DOCK1: variants seen among roughly 807,000 people sequenced by gnomAD.
DOCK1 encodes the protein dedicator of cytokinesis protein 1.
Under a neutral mutation model 262.7 loss-of-function variants are expected in DOCK1, and 138 were observed. The ratio of observed to expected loss-of-function variants is 0.53; its 90% CI spans 0.46 to 0.61. DOCK1 has a LOEUF of 0.61. Among genes scored for constraint, DOCK1 ranks in the 20% least tolerant of loss-of-function variants. DOCK1 has a pLI of 0.00. For synonymous variants in DOCK1, 866 were observed against 867.4 expected (o/e 1.00, Z 0.03); for missense variants, 1,908 against 2,370.7 (o/e 0.80, Z 4.05).
intron 31 of DOCK1, 50 bp downstream of exon 31, chr10:127,343,796 A>G (rs1330907728): frequency 5.7e-6 from 8 of 1,399,810 alleles, no homozygotes; most frequent in Non-Finnish European, 7.9e-6. Flanking sequence ...TCCAACTCTA[A>G]TCGCATAATT....
intron 45 of DOCK1, among the ~76,000 whole-genome samples, chr10:127,418,753 C>T (rs2068315082): frequency 6.6e-6 from 1 of 152,228 alleles, no homozygotes; most frequent in South Asian, 2.1e-4. Flanking sequence ...CCCTGGGCAT[C>T]CCCAGACAGC....
At position 126,995,523 on chromosome 10, in the gene DOCK1, C is replaced by G. The variant is rs1179413774; in HGVS notation, c.474-1225C>G. 6.6e-6 allele frequency among the ~76,000 whole-genome samples: 1 copy of G among 152,178 alleles called. No individual in the cohort carries two copies. The highest frequency in any genetic ancestry group is 1.5e-5 in the Non-Finnish European group (1 of 68,034). On this transcript the variant is annotated intron_variant, in intron 6 of 51. Transcript: ENST00000623213. This position sits in a 1 kb window ranked among gnomAD's most constrained non-coding sequence, Gnocchi z 5.8. Reference sequence around the variant, plus strand: ...GGTGTGGCGGCGCGCGCCTGCAATCCCAGGCACTCCGCAGGCTGAGGCAGG... The same window carrying G: ...GGTGTGGCGGCGCGCGCCTGCAATCGCAGGCACTCCGCAGGCTGAGGCAGG...
chr10:127,356,328 A>G (rs558608010), intron 32 of DOCK1, among the ~76,000 whole-genome samples: 2 of 152,302 alleles, frequency 1.3e-5, no homozygotes, highest in Admixed American at 1.3e-4. Context: ...CCTGATTCAC[A>G]TGGCTCAGTC....
chr10:127,223,860 G>A (rs2058533431), intron 27 of DOCK1, among the ~76,000 whole-genome samples: 1 of 152,148 alleles, frequency 6.6e-6, no homozygotes, highest in African/African-American at 2.4e-5. Context: ...GGAAATCTTA[G>A]GTGACAGTGA....
At position 127,176,321 on chromosome 10, in the gene DOCK1, G is replaced by A. The variant is rs79489715; in HGVS notation, c.2847+48557G>A. On this transcript the variant is annotated intron_variant, in intron 27 of 51. Coordinates refer to ENST00000623213, the MANE Select transcript of DOCK1 (RefSeq NM_001290223.2). The surrounding 1 kb of genome is among the most constrained non-coding windows in gnomAD (Gnocchi z 4.4). Reference sequence around the variant, plus strand: ...GGTCCAGGGCGTATTTCATCTCCAGGGCCAGGCAGGCGGCGGGTTCCACTT... The same window carrying A: ...GGTCCAGGGCGTATTTCATCTCCAGAGCCAGGCAGGCGGCGGGTTCCACTT... 1,451 of 1,613,992 alleles carry A rather than the reference G, an allele frequency of 9.0e-4. 16 individuals carry two copies. The East Asian group carries it at 0.026, about 29-fold the overall frequency.
rs564208203 is a variant in DOCK1, at chr10:127,411,709, G to A, written c.4428+785G>A. On this transcript the variant is annotated intron_variant, in intron 43 of 51. Transcript: ENST00000623213. ...TACAACATTAGCCGGGCGTGGTGGT[G>A]CACGCCTGTAATCCCAGCTATTTGG... is the stretch of plus-strand genomic sequence containing the variant. Among the ~76,000 whole-genome samples the A allele has an allele frequency of 8.6e-5, 13 of 152,024 alleles. 2 individuals are homozygous for A. The highest frequency in any genetic ancestry group is 3.1e-4 in the African/African-American group (13 of 41,502).
At chr10:126,935,124 A>G (rs1398141210) in intron 1 of DOCK1, among the ~76,000 whole-genome samples, 1 of 152,210 alleles carries the variant, frequency 6.6e-6, no homozygotes, top group African/African-American at 2.4e-5. Context: ...AGAGAGAAAT[A>G]TAAAACTTTT....
chr10:126,928,154 C>T (rs2033908727), intron 1 of DOCK1, among the ~76,000 whole-genome samples: 1 of 152,182 alleles, frequency 6.6e-6, no homozygotes, highest in East Asian at 1.9e-4. Flanking sequence ...TGAAGGCGTT[C>T]AGCAGAGTGA....
intron 25 of DOCK1, among the ~76,000 whole-genome samples, chr10:127,115,774 G>A (rs2049142324): frequency 6.6e-6 from 1 of 152,206 alleles, no homozygotes; most frequent in African/African-American, 2.4e-5. Context: ...TTTGAGTGGA[G>A]GTGAGAGTCC....
At chr10:126,906,360 A>C (rs2030825295) in intron 1 of DOCK1, among the ~76,000 whole-genome samples, 1 of 151,986 alleles carries the variant, frequency 6.6e-6, no homozygotes, top group Non-Finnish European at 1.5e-5. Flanking sequence ...TGGGACCCGC[A>C]TCCTTGCGCC....
chr10:127,053,852 G>A (rs2044934590), intron 22 of DOCK1, among the ~76,000 whole-genome samples: 3 of 152,140 alleles, frequency 2.0e-5, no homozygotes, highest in Admixed American at 6.5e-5. Context: ...GTTGAGGGTG[G>A]GGTGTGGAAT....
intron 38 of DOCK1, among the ~76,000 whole-genome samples, chr10:127,398,793 A>T (rs1322185335): frequency 2.0e-5 from 3 of 152,132 alleles, no homozygotes; most frequent in Non-Finnish European, 2.9e-5. Flanking sequence ...TTAGAAAGGG[A>T]TGGCTGTCCC....
In DOCK1 at chr10:127,024,775, A is replaced by G; in HGVS notation, c.1543A>G (p.Thr515Ala). 1 of 1,607,490 alleles carries G rather than the reference A, an allele frequency of 6.2e-7. No individual in the cohort carries two copies. The highest frequency in any genetic ancestry group is 8.5e-7 in the Non-Finnish European group (1 of 1,176,602). The change falls in exon 15 of 52, where the codon ACT becomes GCT. Residue 515 changes from threonine (T) to alanine (A), a missense_variant. Coordinates refer to ENST00000623213, the MANE Select transcript of DOCK1 (RefSeq NM_001290223.2). ...YQVKQPRWFE[T>A]VKVAIPIEDV... The stretch of plus-strand genomic sequence containing the variant: ...AGTAAAGCAGCCACGCTGGTTTGAG[A>G]CTGTTAAGGTATTATTTACATGGTC...
intron 23 of DOCK1, among the ~76,000 whole-genome samples, chr10:127,087,181 G>C (rs1473757168): frequency 2.6e-5 from 4 of 152,134 alleles, no homozygotes; most frequent in Non-Finnish European, 5.9e-5. Flanking sequence ...CTAAACGAGT[G>C]ACTTTCTTCA....
At chr10:126,954,332 G>C (rs1367690200) in intron 1 of DOCK1, among the ~76,000 whole-genome samples, 1 of 152,246 alleles carries the variant, frequency 6.6e-6, no homozygotes, top group Admixed American at 6.5e-5. Context: ...CCTGAGGCCT[G>C]GGCTGCTATG....
At chr10:126,938,162 TCA>T (rs2034686045) in intron 1 of DOCK1, among the ~76,000 whole-genome samples, 1 of 151,980 alleles carries the variant, frequency 6.6e-6, no homozygotes, top group Non-Finnish European at 1.5e-5. Context: ...TTCTCCTGCC[TCA>T]GCCTCCTGAG....
chr10:126,939,229 C>A (rs2134237856), intron 1 of DOCK1, among the ~76,000 whole-genome samples: 1 of 152,292 alleles, frequency 6.6e-6, no homozygotes, highest in South Asian at 2.1e-4. Context: ...GTGAAGGTTT[C>A]ATCCTCCTGA....
At chr10:126,953,173 T>G (rs2036459026) in intron 1 of DOCK1, among the ~76,000 whole-genome samples, 1 of 151,908 alleles carries the variant, frequency 6.6e-6, no homozygotes, top group African/African-American at 2.4e-5. Context: ...GTGGTATTGT[T>G]ATTGGCAGCG....
intron 29 of DOCK1, among the ~76,000 whole-genome samples, chr10:127,305,711 A>G (rs2061848903): frequency 6.6e-6 from 1 of 152,226 alleles, no homozygotes; most frequent in Admixed American, 6.5e-5. Flanking sequence ...TACAGTCAGA[A>G]AAGAATCCAG....
Sources: gnomAD v4.1 joint callset for allele counts (sites outside exome capture counted in the v4.1 genomes callset) on GRCh38, gnomAD v4.1.1 for gene constraint, Gnocchi (gnomAD v3.1) non-coding constraint, MANE v1.5 for transcripts, NCBI Gene and HGNC (gene_info 2026-07-23, HGNC 2026-07-21) for gene names.